PPP4R4: variants seen among roughly 807,000 people sequenced by gnomAD.
The protein encoded by PPP4R4 is protein phosphatase 4 regulatory subunit 4.
PPP4R4 carries 70 observed loss-of-function variants against 121.8 expected under a neutral mutation model. That is an observed-to-expected ratio of 0.57 (90% CI 0.47 to 0.70). The LOEUF is 0.70. Among genes scored for constraint, PPP4R4 ranks in the 30% least tolerant of loss-of-function variants. PPP4R4 has a pLI of 0.00. For synonymous variants in PPP4R4, 348 were observed against 355.7 expected (o/e 0.98, Z 0.24); for missense variants, 875 against 1,033.6 (o/e 0.85, Z 2.10).
intron 2 of PPP4R4, among the ~76,000 whole-genome samples, chr14:94,190,048 CTTTT>C (rs34015633): frequency 2.8e-5 from 4 of 143,398 alleles, no homozygotes; most frequent in Admixed American, 6.9e-5. Flanking sequence ...TTGCTTTTAT[CTTTT>C]TTTTTTTTTT....
intron 2 of PPP4R4, among the ~76,000 whole-genome samples, chr14:94,196,865 C>T (rs534750041): frequency 7.2e-5 from 11 of 152,062 alleles, no homozygotes; most frequent in Non-Finnish European, 1.2e-4. Flanking sequence ...CTGTAGTTTG[C>T]GTATGTCTTT....
Position 94,258,719 on chromosome 14 carries a change from C to T in PPP4R4, c.2011-64C>T. 4 of 1,224,318 alleles carry T rather than the reference C, an allele frequency of 3.3e-6. No homozygotes were observed. In the South Asian group the frequency reaches 5.1e-5, roughly 16 times the overall value. The allele number at this position is 1,224,318 out of a possible 1,614,324, so 75.8% of individuals were successfully genotyped here. On this transcript the variant is annotated intron_variant, in intron 17 of 24. Coordinates refer to ENST00000304338, the MANE Select transcript of PPP4R4 (RefSeq NM_058237.2). ...GAACCTCCATTTGCAAAATAAGTTG[C>T]TGAGAAATGATTGGTTGTTTTAATT...
chr14:94,251,695 T>C, intron 15 of PPP4R4, 54 bp from the exon 16 acceptor site: 1 of 1,399,322 alleles, frequency 7.1e-7, no homozygotes, highest in Non-Finnish European at 9.6e-7. Flanking sequence ...ACTTTGTCAC[T>C]TTAATTTCAT....
intron 2 of PPP4R4, among the ~76,000 whole-genome samples, chr14:94,195,786 A>C (rs1170152416): frequency 6.6e-6 from 1 of 152,138 alleles, no homozygotes; most frequent in African/African-American, 2.4e-5. Flanking sequence ...CATAATACCC[A>C]ATGTACTACC....
At chr14:94,238,601 A>G (rs1892466618) in intron 8 of PPP4R4, among the ~76,000 whole-genome samples, 1 of 152,206 alleles carries the variant, frequency 6.6e-6, no homozygotes, top group African/African-American at 2.4e-5. Flanking sequence ...AAGACAGTTA[A>G]CTGCTCTACT....
chr14:94,212,044 C>A (rs1455729383), intron 3 of PPP4R4, among the ~76,000 whole-genome samples: 1 of 152,138 alleles, frequency 6.6e-6, no homozygotes, highest in East Asian at 1.9e-4. Context: ...AGAAGTTAAT[C>A]AATACCAAGA....
At chr14:94,176,451 G>T (rs1043157576) in intron 2 of PPP4R4, among the ~76,000 whole-genome samples, 1 of 152,138 alleles carries the variant, frequency 6.6e-6, no homozygotes, top group Non-Finnish European at 1.5e-5. Flanking sequence ...TGAGACTTGA[G>T]TATACAGTGA....
intron 2 of PPP4R4, among the ~76,000 whole-genome samples, chr14:94,196,041 C>A (rs1004399157): frequency 1.3e-5 from 2 of 151,386 alleles, no homozygotes; most frequent in African/African-American, 4.9e-5. Flanking sequence ...TCCTAAGTAA[C>A]TTGCTTATTT....
At chr14:94,276,980 A>AT (rs1894676712) in intron 24 of PPP4R4, among the ~76,000 whole-genome samples, 1 of 152,138 alleles carries the variant, frequency 6.6e-6, no homozygotes, top group Non-Finnish European at 1.5e-5. Flanking sequence ...TGCTCCCATG[A>AT]TTATACGATG....
At chr14:94,238,097 C>T (rs554723321) in intron 8 of PPP4R4, among the ~76,000 whole-genome samples, 1 of 152,338 alleles carries the variant, frequency 6.6e-6, no homozygotes, top group South Asian at 2.1e-4. Context: ...TAACAACCTG[C>T]TCTCCAGAGA....
intron 15 of PPP4R4, among the ~76,000 whole-genome samples, chr14:94,250,629 A>T (rs985054247): frequency 3.9e-5 from 6 of 151,998 alleles, no homozygotes; most frequent in Non-Finnish European, 8.8e-5. Flanking sequence ...TATTCACATA[A>T]TTAACAGAAT....
chr14:94,199,153 T>C (rs188989021), intron 2 of PPP4R4, among the ~76,000 whole-genome samples: 5 of 152,390 alleles, frequency 3.3e-5, no homozygotes, highest in Admixed American at 3.3e-4. Flanking sequence ...GATACTTGAA[T>C]ATATTTAGTT....
At chr14:94,251,668 T>G in intron 15 of PPP4R4, 81 bp from the exon 16 acceptor site, 1 of 1,131,562 alleles carries the variant, frequency 8.8e-7, no homozygotes, top group East Asian at 2.6e-5. Flanking sequence ...AAACTTCTTA[T>G]GCATTTTGTG....
Position 94,264,927 on chromosome 14 carries a change from A to G in PPP4R4, c.2177A>G (p.Asp726Gly). Residue 726 changes from aspartate (D) to glycine (G), a missense_variant, in exon 20 of 25, where the codon GAT (aspartate) becomes GGT (glycine). Physicochemically the swap from Asp to Gly is moderately conservative, Grantham distance 94 (BLOSUM62 -1). Coordinates refer to ENST00000304338, the MANE Select transcript of PPP4R4 (RefSeq NM_058237.2). ...KQQNDGRPMS[D>G]KMFEKKRRDT... ...CAGAATGATGGAAGGCCCATGAGTGATAAAATGTTTGAAAAGAAACGTAAG... is the reference window on the plus strand; with the variant it reads ...CAGAATGATGGAAGGCCCATGAGTGGTAAAATGTTTGAAAAGAAACGTAAG... 6.2e-7 allele frequency: 1 copy of G among 1,600,602 alleles called. No individual in the cohort carries two copies.
chr14:94,193,232 T>C (rs1254455113), intron 2 of PPP4R4, among the ~76,000 whole-genome samples: 1 of 152,166 alleles, frequency 6.6e-6, no homozygotes, highest in Non-Finnish European at 1.5e-5. Flanking sequence ...CAGTGCTGCA[T>C]AGCTTAGGAG....
chr14:94,235,543 G>A (rs1892297161), intron 7 of PPP4R4, among the ~76,000 whole-genome samples: 1 of 151,750 alleles, frequency 6.6e-6, no homozygotes, highest in Non-Finnish European at 1.5e-5. Context: ...GGGACTACAG[G>A]TGCCCACCAC....
intron 2 of PPP4R4, among the ~76,000 whole-genome samples, chr14:94,199,223 T>C (rs947488222): frequency 1.3e-5 from 2 of 152,272 alleles, no homozygotes; most frequent in African/African-American, 4.8e-5. Flanking sequence ...AAACATCTTT[T>C]GTCAAGTTTT....
chr14:94,252,844 C>A (rs909160480), intron 16 of PPP4R4, among the ~76,000 whole-genome samples: 3 of 152,152 alleles, frequency 2.0e-5, no homozygotes, highest in Non-Finnish European at 4.4e-5. Flanking sequence ...CTTTTATAAA[C>A]AACTGATGTG....
chr14:94,174,642 C>A (rs1173172943), intron 1 of PPP4R4, 60 bp downstream of exon 1: 7 of 1,588,430 alleles, frequency 4.4e-6, no homozygotes, highest in Non-Finnish European at 5.1e-6. Context: ...CGCGCGGTCC[C>A]GCGCTGATCT....
Sources: gnomAD v4.1 joint callset for allele counts (sites outside exome capture counted in the v4.1 genomes callset) on GRCh38, gnomAD v4.1.1 for gene constraint, MANE v1.5 for transcripts, NCBI Gene and HGNC (gene_info 2026-07-23, HGNC 2026-07-21) for gene names.